BRAF: variants seen among roughly 807,000 people sequenced by gnomAD.
BRAF encodes B-Raf proto-oncogene, serine/threonine kinase.
Under a neutral mutation model 104.6 loss-of-function variants are expected in BRAF, and 16 were observed. The observed-to-expected ratio is 0.15, with a 90% CI of 0.10 to 0.23. BRAF has a LOEUF of 0.23. Ranked by LOEUF, BRAF falls within the 10% of genes least tolerant of loss-of-function variation. The pLI, the probability that BRAF is intolerant of heterozygous loss-of-function variation, is 1.00. For missense variants in BRAF, 541 were observed against 937.3 expected (o/e 0.58, Z 5.52); for synonymous variants, 310 against 341.6 (o/e 0.91, Z 1.02).
chr7:140,899,049 A>C (rs1815285328), intron 1 of BRAF, among the ~76,000 whole-genome samples: 1 of 152,110 alleles, frequency 6.6e-6, no homozygotes, highest in Non-Finnish European at 1.5e-5. Flanking sequence ...AGGATACTTG[A>C]ACTTTTTTTC....
intron 3 of BRAF, among the ~76,000 whole-genome samples, chr7:140,829,369 CTCT>C (rs1246660215): frequency 1.5e-5 from 2 of 129,504 alleles, no homozygotes; most frequent in African/African-American, 6.1e-5. Context: ...GGTATTTAAT[CTCT>C]TGATTCTGAT....
At chr7:140,717,320 G>A (rs545902749), downstream of BRAF, among the ~76,000 whole-genome samples, 44 of 151,892 alleles carry the variant, frequency 2.9e-4, no homozygotes, top group African/African-American at 9.2e-4. Flanking sequence ...TTGCTCTGCC[G>A]CCCAGGCTGC....
intron 3 of BRAF, among the ~76,000 whole-genome samples, chr7:140,820,291 A>C (rs1805337716): frequency 6.6e-6 from 1 of 152,194 alleles, no homozygotes; most frequent in Non-Finnish European, 1.5e-5. Context: ...TCTGATATTA[A>C]GTTATCGCAA....
At chr7:140,794,266 A>G in intron 8 of BRAF, 42 bp downstream of exon 8, 2 of 1,603,772 alleles carry the variant, frequency 1.2e-6, no homozygotes, top group Non-Finnish European at 1.7e-6. Context: ...ATAAAGATAC[A>G]TACTTGGTTT....
intron 2 of BRAF, among the ~76,000 whole-genome samples, chr7:140,846,992 T>C (rs1457042311): frequency 6.6e-6 from 1 of 151,668 alleles, no homozygotes; most frequent in Non-Finnish European, 1.5e-5. Flanking sequence ...CTGTCTCCAC[T>C]AAAAATACAA....
intron 1 of BRAF, among the ~76,000 whole-genome samples, chr7:140,865,552 G>A (rs796306093): frequency 1.3e-5 from 2 of 152,274 alleles, no homozygotes; most frequent in African/African-American, 4.8e-5. Flanking sequence ...AAAAATTAGA[G>A]AGCCAAAGGT....
intron 9 of BRAF, 140 bp downstream of exon 9, chr7:140,787,408 A>T (rs1801498605): frequency 1.3e-6 from 1 of 784,984 alleles, no homozygotes; most frequent in African/African-American, 1.7e-5. Context: ...CAAACACTAC[A>T]GAAAAACAAA....
intron 19 of BRAF, among the ~76,000 whole-genome samples, chr7:140,727,218 TTGTTG>T (rs1427479183): frequency 6.6e-6 from 1 of 151,822 alleles, no homozygotes; most frequent in African/African-American, 2.4e-5. Context: ...AATTTTGCTT[TTGTTG>T]CCCAGGCTGG....
At chr7:140,750,950 A>G (rs1285933218) in intron 16 of BRAF, among the ~76,000 whole-genome samples, 1 of 152,212 alleles carries the variant, frequency 6.6e-6, no homozygotes, top group African/African-American at 2.4e-5. Context: ...AGATACAAAT[A>G]AAACAAAGTT....
intron 19 of BRAF, among the ~76,000 whole-genome samples, chr7:140,727,145 T>TA (rs1795641811): frequency 6.6e-6 from 1 of 151,994 alleles, no homozygotes; most frequent in Non-Finnish European, 1.5e-5. Flanking sequence ...CATGCTCCTT[T>TA]AGCTTAATGA....
intron 1 of BRAF, among the ~76,000 whole-genome samples, chr7:140,916,457 A>T (rs932799578): frequency 2.0e-5 from 3 of 152,230 alleles, no homozygotes; most frequent in Non-Finnish European, 4.4e-5. Flanking sequence ...AACTCTTCTA[A>T]TGAAGATGGA....
At chr7:140,796,983 C>T (rs1348760160) in intron 7 of BRAF, among the ~76,000 whole-genome samples, 1 of 152,040 alleles carries the variant, frequency 6.6e-6, no homozygotes, top group Non-Finnish European at 1.5e-5. Flanking sequence ...CAGTATAACT[C>T]CCAATCTCAT....
intron 14 of BRAF, among the ~76,000 whole-genome samples, chr7:140,774,928 G>C (rs1800189349): frequency 6.6e-6 from 1 of 152,148 alleles, no homozygotes; most frequent in Non-Finnish European, 1.5e-5. Context: ...GTTATGTACT[G>C]AGTATGCCAG....
At chr7:140,748,566 TG>T (rs1406095580) in intron 17 of BRAF, among the ~76,000 whole-genome samples, 1 of 152,134 alleles carries the variant, frequency 6.6e-6, no homozygotes, top group Non-Finnish European at 1.5e-5. Flanking sequence ...ATATTAACAG[TG>T]TAACTGTTGT....
intron 1 of BRAF, among the ~76,000 whole-genome samples, chr7:140,860,911 C>T (rs1810348766): frequency 1.3e-5 from 2 of 152,086 alleles, no homozygotes; most frequent in Admixed American, 1.3e-4. Flanking sequence ...AAAACTAGAA[C>T]CAACTCAAAT....
chr7:140,753,401 G>A lies in BRAF; in HGVS notation c.1862-8C>T, dbSNP rs2128998519. 1 of 1,548,786 alleles carries A rather than the reference G, an allele frequency of 6.5e-7. No individual in the cohort carries two copies. On this transcript the variant is annotated splice_polypyrimidine_tract_variant and splice_region_variant and intron_variant, in intron 15 of 19. Coordinates refer to ENST00000644969, the MANE Select transcript of BRAF (RefSeq NM_001374258.1). ...CTTCATGAAGAAATATATCTGAGGT[G>A]TAGTAAGTAAAGGAAAACAGTAGAT...
At chr7:140,777,564 G>T (rs2129019113) in intron 13 of BRAF, among the ~76,000 whole-genome samples, 1 of 152,196 alleles carries the variant, frequency 6.6e-6, no homozygotes, top group Non-Finnish European at 1.5e-5. Flanking sequence ...CAGTTCTGTT[G>T]ATTATTTTCC....
chr7:140,920,859 G>C (rs1818140960), intron 1 of BRAF, among the ~76,000 whole-genome samples: 1 of 152,208 alleles, frequency 6.6e-6, no homozygotes, highest in African/African-American at 2.4e-5. Context: ...AAGGGCACCT[G>C]TGAATATATC....
At chr7:140,803,754 A>T (rs1803368929) in intron 5 of BRAF, among the ~76,000 whole-genome samples, 1 of 152,210 alleles carries the variant, frequency 6.6e-6, no homozygotes, top group African/African-American at 2.4e-5. Flanking sequence ...CTATCCCACT[A>T]AAGCCAGAAA....
Sources: allele counts gnomAD v4.1 joint callset (sites outside exome capture counted in the v4.1 genomes callset), GRCh38; gene constraint gnomAD v4.1.1; transcripts MANE v1.5; gene names NCBI Gene and HGNC (gene_info 2026-07-23, HGNC 2026-07-21).